SH2D3C: variants seen among roughly 807,000 people sequenced by gnomAD.
SH2D3C encodes the protein SH2 domain containing 3C.
Under a neutral mutation model 75.2 loss-of-function variants are expected in SH2D3C, and 25 were observed. The ratio of observed to expected loss-of-function variants is 0.33; its 90% confidence interval spans 0.24 to 0.46. The LOEUF (loss-of-function observed/expected upper bound fraction) is 0.46, where lower values mean the gene tolerates loss of function less well. Ranked by LOEUF, SH2D3C falls within the 20% of genes least tolerant of loss-of-function variation. The pLI, the probability that SH2D3C is intolerant of heterozygous loss-of-function variation, is 1.00. For synonymous variants in SH2D3C, 450 were observed against 473.7 expected, an observed-to-expected ratio of 0.95 and a Z score of 0.65; for missense variants, 933 against 1,165.3, an observed-to-expected ratio of 0.80 and a Z score of 2.90.
At chr9:127,755,035 G>A (rs933551966) in intron 3 of SH2D3C, 6 of 989,672 alleles carry the variant, frequency 6.1e-6, no homozygotes, top group South Asian at 9.6e-5. Context: ...GCGGCCGGGG[G>A]TCCCAGCCCG....
intron 1 of SH2D3C, among the ~76,000 whole-genome samples, chr9:127,775,324 T>C (rs1845793998): frequency 6.6e-6 from 1 of 151,982 alleles, no homozygotes; most frequent in Non-Finnish European, 1.5e-5. Context: ...CAAGACCCTG[T>C]CTCTACAAAA....
intron 1 of SH2D3C, among the ~76,000 whole-genome samples, chr9:127,776,134 T>G (rs1845805751): frequency 6.6e-6 from 1 of 152,148 alleles, no homozygotes; most frequent in African/African-American, 2.4e-5. Context: ...TGGCCACTAA[T>G]AATAATAATT....
In SH2D3C at chr9:127,774,238, C is replaced by G; in HGVS notation, c.267G>C (p.Gln89His). 1 of 1,614,054 alleles carries G rather than the reference C, an allele frequency of 6.2e-7. No individual in the cohort carries two copies. The highest frequency in any genetic ancestry group is 1.1e-5 in the South Asian group (1 of 91,078). ...GGGCCTGCCGGGCAGCCTGTGAGTT[C>G]TGTGCTTTCTTGATGCTGGGGCGAG... The part of the protein sequence containing the change: ...TMPRPSIKKA[Q>H]NSQAARQAQE... Residue 89 changes from glutamine (Q) to histidine (H), a missense_variant, in exon 2 of 12, where the codon CAG (glutamine) becomes CAC (histidine). By Grantham distance (24) the Gln-to-His change is conservative (BLOSUM62 0). Transcript: ENST00000314830. This position sits in a 1 kb window ranked among gnomAD's most constrained non-coding sequence, Gnocchi z 4.3.
intron 9 of SH2D3C, among the ~76,000 whole-genome samples, chr9:127,740,631 T>C (rs1844826702): frequency 6.6e-6 from 1 of 152,194 alleles, no homozygotes; most frequent in South Asian, 2.1e-4. Flanking sequence ...TGGGTGGGAG[T>C]TGAACGCAGG....
At chr9:127,753,275 T>C (rs59202404) in intron 3 of SH2D3C, among the ~76,000 whole-genome samples, 11,376 of 150,436 alleles carry the variant, frequency 0.076, 997 homozygotes, top group African/African-American at 0.21. Context: ...GGAAAGGGAG[T>C]TTAGATGGCC....
intron 3 of SH2D3C, among the ~76,000 whole-genome samples, chr9:127,755,554 C>T (rs1845358158): frequency 6.6e-6 from 1 of 152,218 alleles, no homozygotes; most frequent in Non-Finnish European, 1.5e-5. Flanking sequence ...CGCCGCACCT[C>T]TAACAGACCG....
intron 1 of SH2D3C, among the ~76,000 whole-genome samples, chr9:127,778,228 T>G (rs1056332982): frequency 6.7e-6 from 1 of 148,154 alleles, no homozygotes; most frequent in African/African-American, 2.5e-5. Context: ...CCTCAGGTGA[T>G]CCACCAGCCT....
intron 7 of SH2D3C, among the ~76,000 whole-genome samples, chr9:127,743,793 G>A (rs1285222054): frequency 6.6e-6 from 1 of 152,170 alleles, no homozygotes; most frequent in East Asian, 1.9e-4. Context: ...GGGGTCTTTA[G>A]ATGTTCAAAG....
chr9:127,773,291 C>T (rs542863468), intron 2 of SH2D3C, among the ~76,000 whole-genome samples: 16 of 152,208 alleles, frequency 1.1e-4, no homozygotes, highest in Admixed American at 4.6e-4. Flanking sequence ...AGGTATTGTC[C>T]AGCAGAACTA....
In SH2D3C at chr9:127,739,714, A is replaced by G. The variant is rs780799126; in HGVS notation, c.2375T>C (p.Leu792Pro). 1 of 1,610,822 alleles carries G rather than the reference A, an allele frequency of 6.2e-7. No individual in the cohort carries two copies. Among genetic ancestry groups the G allele is most frequent in the Non-Finnish European group, 8.5e-7 (1 of 1,179,640 alleles). ...AARTVAHHGG[L>P]YHTNAEVKLQ... ...CTTGACTTCAGCATTGGTGTGGTAC[A>G]GGCCTCCGTGGTGTGCCACTGTGCG... The change falls in exon 11 of 12, where the codon CTG becomes CCG. Residue 792 changes from leucine to proline, a missense_variant. Coordinates refer to ENST00000314830, the MANE Select transcript of SH2D3C (RefSeq NM_170600.3). This position sits in a 1 kb window ranked among gnomAD's most constrained non-coding sequence, Gnocchi z 4.3.
intron 8 of SH2D3C, 136 bp from the exon 9 acceptor site, chr9:127,742,095 TA>T: frequency 1.3e-6 from 1 of 785,936 alleles, no homozygotes; most frequent in Non-Finnish European, 2.0e-6. Flanking sequence ...GTCAATGGGA[TA>T]AGGGGGCGCG....
At chr9:127,752,249 C>T (rs1383671976) in intron 3 of SH2D3C, among the ~76,000 whole-genome samples, 1 of 152,192 alleles carries the variant, frequency 6.6e-6, no homozygotes, top group Non-Finnish European at 1.5e-5. Flanking sequence ...TGTGAGCTCT[C>T]TGGGCCTCAA....
Position 127,774,488 on chromosome 9 carries a change from G to C in SH2D3C, c.38-21C>G. ...GAACTCTAGCAGAGGGGAAGGGAAG[G>C]AAAAGAAGTTAATGACAATGTCAAC... is the stretch of plus-strand genomic sequence containing the variant. On this transcript the variant is annotated intron_variant, in intron 1 of 11. Transcript: ENST00000314830. This position sits in a 1 kb window ranked among gnomAD's most constrained non-coding sequence, Gnocchi z 4.3. The C allele has an allele frequency of 3.4e-6, 4 of 1,182,836 alleles. No homozygotes were observed. Among genetic ancestry groups the C allele is most frequent in the Non-Finnish European group, 5.1e-6 (4 of 792,026 alleles). The allele number at this position is 1,182,836 out of a possible 1,614,324, so 73.3% of individuals were successfully genotyped here.
chr9:127,770,389 C>T (rs980473689), intron 2 of SH2D3C, among the ~76,000 whole-genome samples: 2 of 152,182 alleles, frequency 1.3e-5, no homozygotes, highest in Non-Finnish European at 2.9e-5. Flanking sequence ...CTGGCATTTC[C>T]CAAATGTCCT....
chr9:127,752,569 C>T (rs1845231307), intron 3 of SH2D3C, among the ~76,000 whole-genome samples: 1 of 152,134 alleles, frequency 6.6e-6, no homozygotes, highest in Non-Finnish European at 1.5e-5. Flanking sequence ...CCACTCCCTG[C>T]CTCCTCAGAC....
In SH2D3C at chr9:127,749,491, G is replaced by C; in HGVS notation, c.859C>G (p.Gln287Glu). 6.2e-7 allele frequency: 1 copy of C among 1,614,174 alleles called. No homozygotes were observed. The highest frequency in any genetic ancestry group is 8.5e-7 in the Non-Finnish European group (1 of 1,180,016). ...GCGGGCACGTGGTCAAAGCTCTCCT[G>C]CTCAAACAGGTACTGGATGTGTGTG... is the stretch of plus-strand genomic sequence containing the variant. ...SYTHIQYLFE[Q>E]ESFDHVPALV... The change falls in exon 5 of 12, where the codon CAG becomes GAG. Residue 287 changes from glutamine (Q) to glutamate (E), a missense_variant. Transcript: ENST00000314830. The surrounding 1 kb of genome is among the most constrained non-coding windows in gnomAD (Gnocchi z 5.9).
In SH2D3C at chr9:127,738,817, CAT is replaced by C. The variant is rs1844761143; in HGVS notation, c.2510_2511del (p.Tyr837Ter). ...GCAGTGAGGACCTTGTCGAACTTCT[CAT>C]AGCGCCGGGCCTGGCTGCTGCTGGC... ...QGASSSQARR[Y>X]EKFDKVLTAL... is the part of the protein sequence containing the mutation. On this transcript the variant is annotated frameshift_variant, in exon 12 of 12. Coordinates refer to ENST00000314830, the MANE Select transcript of SH2D3C (RefSeq NM_170600.3). LOFTEE classifies it high-confidence loss of function. This position sits in a 1 kb window ranked among gnomAD's most constrained non-coding sequence, Gnocchi z 5.0. 1 of 1,607,590 alleles carries C rather than the reference CAT, an allele frequency of 6.2e-7. No individual in the cohort carries two copies. The highest frequency in any genetic ancestry group is 8.5e-7 in the Non-Finnish European group (1 of 1,177,438).
At chr9:127,755,359 A>G in intron 3 of SH2D3C, 1 of 443,192 alleles carries the variant, frequency 2.3e-6, no homozygotes, top group Non-Finnish European at 3.5e-6. Context: ...GGAGGGGGCC[A>G]TTGTTCCTCC....
At position 127,761,620 on chromosome 9, in the gene SH2D3C, G is replaced by A; in HGVS notation, c.546C>T (p.Asp182=). The A allele has an allele frequency of 6.2e-7, 1 of 1,612,020 alleles. No homozygotes were observed. The change falls in exon 3 of 12, where the codon GAC becomes GAT. Residue 182 remains aspartate (D), a synonymous_variant. Coordinates refer to ENST00000314830, the MANE Select transcript of SH2D3C (RefSeq NM_170600.3). ...GGCCAGCCCCTCCTACCTTCACATA[G>A]TCGCTGCCAGCCTCTGGCTCTCCAG... ...RAAGEPEAGS[D]YVKFSKEKYI...
Sources: allele counts gnomAD v4.1 joint callset (sites outside exome capture counted in the v4.1 genomes callset), GRCh38; gene constraint gnomAD v4.1.1; non-coding constraint Gnocchi (gnomAD v3.1); transcripts MANE v1.5; gene names NCBI Gene and HGNC (gene_info 2026-07-23, HGNC 2026-07-21).